Variants in PCCA observed in about 807,000 individuals in gnomAD.
PCCA encodes the protein propionyl-CoA carboxylase subunit alpha, also known as propionyl-CoA carboxylase alpha chain, mitochondrial.
Under a neutral mutation model 101.3 loss-of-function variants are expected in PCCA, and 74 were observed. The ratio of observed to expected loss-of-function variants is 0.73; its 90% CI spans 0.61 to 0.89. The LOEUF is 0.89. Among genes scored for constraint, PCCA ranks in the 40% least tolerant of loss-of-function variants. PCCA has a pLI of 0.00. For synonymous variants in PCCA, 294 were observed against 313.6 expected, an observed-to-expected ratio of 0.94 and a Z score of 0.66; for missense variants, 891 against 907.0, an observed-to-expected ratio of 0.98 and a Z score of 0.23.
At chr13:100,249,750 G>A (rs995943483) in intron 8 of PCCA, among the ~76,000 whole-genome samples, 16 of 151,968 alleles carry the variant, frequency 1.1e-4, no homozygotes, top group Admixed American at 9.2e-4. Context: ...CATTTCTTTC[G>A]TCAGAGTTTT....
intron 21 of PCCA, among the ~76,000 whole-genome samples, chr13:100,460,033 A>G (rs1369039419): frequency 1.3e-5 from 2 of 152,268 alleles, no homozygotes; most frequent in East Asian, 1.9e-4. Flanking sequence ...GGCATTCAGC[A>G]TATGAATTTG....
chr13:100,132,495 T>G (rs2050649912), intron 4 of PCCA, among the ~76,000 whole-genome samples: 1 of 152,252 alleles, frequency 6.6e-6, no homozygotes, highest in African/African-American at 2.4e-5. Context: ...AATAGAATGT[T>G]CCTTTTTTAT....
chr13:100,280,012 G>T (rs200012588), intron 12 of PCCA, among the ~76,000 whole-genome samples: 5 of 140,190 alleles, frequency 3.6e-5, no homozygotes, highest in South Asian at 2.3e-4. Context: ...TTTTGTTTTT[G>T]TTTTTTTTTT....
At chr13:100,398,353 T>G (rs1808102023) in intron 19 of PCCA, among the ~76,000 whole-genome samples, 1 of 152,184 alleles carries the variant, frequency 6.6e-6, no homozygotes, top group African/African-American at 2.4e-5. Context: ...GTTACCTCAG[T>G]GGGAAGGTTG....
At chr13:100,499,261 A>T (rs1414798155) in intron 21 of PCCA, among the ~76,000 whole-genome samples, 8 of 152,206 alleles carry the variant, frequency 5.3e-5, no homozygotes, top group African/African-American at 1.7e-4. Context: ...GCGCTCACAT[A>T]ACTGGTGAAA....
intron 4 of PCCA, among the ~76,000 whole-genome samples, chr13:100,130,283 C>T (rs1304868952): frequency 6.6e-6 from 1 of 152,210 alleles, no homozygotes; most frequent in South Asian, 2.1e-4. Flanking sequence ...CCTGCTGCTG[C>T]TCAGTGGCAG....
At chr13:100,207,530 G>A (rs370247890) in intron 6 of PCCA, among the ~76,000 whole-genome samples, 126 of 151,992 alleles carry the variant, frequency 8.3e-4, no homozygotes, top group African/African-American at 2.8e-3. Flanking sequence ...ACAGGCGCAT[G>A]CCACCACGCC....
intron 6 of PCCA, among the ~76,000 whole-genome samples, chr13:100,163,621 A>G (rs2054719164): frequency 6.6e-6 from 1 of 152,166 alleles, no homozygotes; most frequent in African/African-American, 2.4e-5. Flanking sequence ...GATTTAATTC[A>G]TGTGTCATCA....
chr13:100,320,550 G>C (rs534660116), intron 16 of PCCA, among the ~76,000 whole-genome samples: 1 of 152,292 alleles, frequency 6.6e-6, no homozygotes, highest in East Asian at 1.9e-4. Flanking sequence ...GTTGAATTTT[G>C]TCAAAGGCCT....
At chr13:100,433,346 C>A (rs1166744892) in intron 20 of PCCA, among the ~76,000 whole-genome samples, 1 of 152,102 alleles carries the variant, frequency 6.6e-6, no homozygotes, top group Non-Finnish European at 1.5e-5. Flanking sequence ...GAAGTGGTAT[C>A]TCATTGTGGA....
At chr13:100,226,374 T>G (rs116893075) in intron 7 of PCCA, among the ~76,000 whole-genome samples, 10,509 of 152,194 alleles carry the variant, frequency 0.069, 442 homozygotes, top group Non-Finnish European at 0.096. Flanking sequence ...TATGAATGGG[T>G]AGCAGGATTC....
At chr13:100,477,954 C>T (rs2083546102) in intron 21 of PCCA, among the ~76,000 whole-genome samples, 1 of 152,218 alleles carries the variant, frequency 6.6e-6, no homozygotes, top group South Asian at 2.1e-4. Flanking sequence ...TGGCCGCGGG[C>T]AGTACCCAGC....
chr13:100,379,950 T>C (rs2076136179), intron 19 of PCCA, among the ~76,000 whole-genome samples: 1 of 152,154 alleles, frequency 6.6e-6, no homozygotes, highest in African/African-American at 2.4e-5. Flanking sequence ...CCAAGCTGTA[T>C]TTTTATCAGA....
chr13:100,166,916 T>G (rs2055102658), intron 6 of PCCA, among the ~76,000 whole-genome samples: 1 of 152,220 alleles, frequency 6.6e-6, no homozygotes, highest in Non-Finnish European at 1.5e-5. Context: ...CCCTTTAAAT[T>G]TAACTGTTAT....
intron 12 of PCCA, among the ~76,000 whole-genome samples, chr13:100,274,211 G>A (rs2063491318): frequency 6.6e-6 from 1 of 152,124 alleles, no homozygotes; most frequent in South Asian, 2.1e-4. Flanking sequence ...TACCTAAGCA[G>A]CATTATTACT....
At chr13:100,203,001 G>A (rs964052810) in intron 6 of PCCA, among the ~76,000 whole-genome samples, 3 of 151,994 alleles carry the variant, frequency 2.0e-5, no homozygotes, top group South Asian at 2.1e-4. Context: ...GGCCAGGTGC[G>A]GTGGCTCACG....
intron 21 of PCCA, among the ~76,000 whole-genome samples, chr13:100,512,055 C>G (rs2086522279): frequency 6.6e-6 from 1 of 152,138 alleles, no homozygotes. Flanking sequence ...GATAACATCC[C>G]TCTCTCACCC....
At position 100,226,297 on chromosome 13, in the gene PCCA, A is replaced by AT. The variant is rs750838658; in HGVS notation, c.601-9536dup. On this transcript the variant is annotated intron_variant, in intron 7 of 23. Coordinates refer to ENST00000376285, the MANE Select transcript of PCCA (RefSeq NM_000282.4). ...CTGTAGTGTCTTGAAACAAATTATT[A>AT]TTTTTTTTTAATAAACAGTCACTGA... Among the ~76,000 whole-genome samples the AT allele has an allele frequency of 2.0e-3, 302 of 151,600 alleles. 1 individual carries two copies. Among genetic ancestry groups the AT allele is most frequent in the Middle Eastern group, 3.4e-3 (1 of 294 alleles).
chr13:100,343,194 TCAAA>T (rs1399079666), intron 18 of PCCA, among the ~76,000 whole-genome samples: 3 of 152,292 alleles, frequency 2.0e-5, no homozygotes, highest in South Asian at 2.1e-4. Context: ...TGACTCCGTC[TCAAA>T]CAAACAAACA....
Sources: gnomAD v4.1 joint callset for allele counts (sites outside exome capture counted in the v4.1 genomes callset) on GRCh38, gnomAD v4.1.1 for gene constraint, MANE v1.5 for transcripts, NCBI Gene and HGNC (gene_info 2026-07-23, HGNC 2026-07-21) for gene names.